Variants in BRD10 observed in about 807,000 individuals in gnomAD.
BRD10 encodes the protein bromodomain containing 10, also known as uncharacterized bromodomain-containing protein 10.
At chr9:5,978,739 G>A in the BRD10 span, among the ~76,000 whole-genome samples, 1 of 152,086 alleles carries the variant, frequency 6.6e-6, no homozygotes, top group African/African-American at 2.4e-5. Flanking sequence ...AAACTACACG[G>A]TCAGCACTAG....
the BRD10 span, among the ~76,000 whole-genome samples, chr9:5,901,329 T>C: frequency 6.6e-6 from 1 of 152,208 alleles, no homozygotes; most frequent in Non-Finnish European, 1.5e-5. Flanking sequence ...TCAAGTATGA[T>C]GTTAACTGTT....
At chr9:5,950,757 G>A in the BRD10 span, among the ~76,000 whole-genome samples, 2 of 152,032 alleles carry the variant, frequency 1.3e-5, no homozygotes, top group African/African-American at 4.8e-5. Context: ...TCTGAACCCT[G>A]CGGATACCAA....
chr9:5,996,319 G>A, the BRD10 span, among the ~76,000 whole-genome samples: 4 of 132,104 alleles, frequency 3.0e-5, no homozygotes, highest in East Asian at 6.2e-4. Context: ...TTTTTTTTTT[G>A]TTGTTGTTGT....
chr9:6,007,308 G>A, the BRD10 span: 1 of 1,613,880 alleles, frequency 6.2e-7, no homozygotes. Context: ...TCAACCTGAA[G>A]TCCGCCACGA....
chr9:5,992,010 T>C, the BRD10 span, among the ~76,000 whole-genome samples: 1 of 152,234 alleles, frequency 6.6e-6, no homozygotes, highest in Non-Finnish European at 1.5e-5. Context: ...CAGATACTCA[T>C]ATGGCTACAC....
the BRD10 span, among the ~76,000 whole-genome samples, chr9:5,931,926 A>C: frequency 1.1e-4 from 16 of 152,266 alleles, no homozygotes; most frequent in East Asian, 2.9e-3. Flanking sequence ...TGCTTTAATT[A>C]CTTAGAGTAA....
At chr9:5,969,171 G>A in the BRD10 span, 22 of 1,613,914 alleles carry the variant, frequency 1.4e-5, no homozygotes, top group Admixed American at 5.0e-5. Flanking sequence ...GTAGGTCTGC[G>A]ATGGGGAGGA....
At chr9:6,003,155 A>G in the BRD10 span, among the ~76,000 whole-genome samples, 1 of 152,250 alleles carries the variant, frequency 6.6e-6, no homozygotes, top group Non-Finnish European at 1.5e-5. Context: ...AAAGCTATAC[A>G]CAAGCTTATT....
chr9:5,928,559 T>G, the BRD10 span, among the ~76,000 whole-genome samples: 15 of 152,278 alleles, frequency 9.9e-5, no homozygotes, highest in African/African-American at 3.1e-4. Context: ...CACTTGCCTC[T>G]TTGCATCTCC....
chr9:5,926,090 G>A, the BRD10 span, among the ~76,000 whole-genome samples: 1 of 151,964 alleles, frequency 6.6e-6, no homozygotes, highest in Non-Finnish European at 1.5e-5. Flanking sequence ...GCTAATTTCT[G>A]TATTTTTAGT....
At chr9:5,883,723 C>T in the BRD10 span, among the ~76,000 whole-genome samples, 6 of 152,160 alleles carry the variant, frequency 3.9e-5, no homozygotes, top group African/African-American at 1.4e-4. Context: ...CCTCTCACTT[C>T]AGCCTCTCAA....
chr9:5,894,485 G>A, the BRD10 span, among the ~76,000 whole-genome samples: 1 of 152,256 alleles, frequency 6.6e-6, no homozygotes, highest in East Asian at 1.9e-4. The surrounding 1 kb of genome is among the most constrained non-coding windows in gnomAD (Gnocchi z 4.0). Flanking sequence ...TGGGAGGAGG[G>A]ACGCCACAGA....
At chr9:5,971,052 CAAAAAAAAAAAAAA>C in the BRD10 span, among the ~76,000 whole-genome samples, 69 of 43,204 alleles carry the variant, frequency 1.6e-3, no homozygotes, top group African/African-American at 4.7e-3. Context: ...AGCAACGTCT[CAAAAAAAAAAAAAA>C]AAAAAAAAAA....
the BRD10 span, among the ~76,000 whole-genome samples, chr9:5,973,046 C>T: frequency 2.0e-5 from 3 of 152,010 alleles, no homozygotes; most frequent in Non-Finnish European, 1.5e-5. Flanking sequence ...ACAGTGATCC[C>T]TAACTAAAGC....
the BRD10 span, chr9:6,007,786 A>G: frequency 2.6e-6 from 4 of 1,535,670 alleles, no homozygotes; most frequent in Middle Eastern, 1.9e-4. Context: ...GGGCACACTC[A>G]TGCCCCGGCA....
At chr9:5,918,719 G>A in the BRD10 span, among the ~76,000 whole-genome samples, 1 of 150,242 alleles carries the variant, frequency 6.7e-6, no homozygotes, top group African/African-American at 2.5e-5. Context: ...CTAATACTTG[G>A]GGGGCTGAGG....
At chr9:6,005,384 A>G in the BRD10 span, among the ~76,000 whole-genome samples, 2 of 152,168 alleles carry the variant, frequency 1.3e-5, no homozygotes, top group East Asian at 3.9e-4. Flanking sequence ...GGTGACAACT[A>G]ACCCCAGCTA....
chr9:5,997,045 T>C, the BRD10 span, among the ~76,000 whole-genome samples: 8 of 152,326 alleles, frequency 5.3e-5, no homozygotes, highest in Admixed American at 4.6e-4. Context: ...AAGTAGCTGA[T>C]TGTAAATTTA....
chr9:5,966,983 T>C, the BRD10 span, among the ~76,000 whole-genome samples: 1 of 152,232 alleles, frequency 6.6e-6, no homozygotes, highest in African/African-American at 2.4e-5. Context: ...TGATACATTA[T>C]ATACATGTTT....
Sources: allele counts gnomAD v4.1 joint callset (sites outside exome capture counted in the v4.1 genomes callset), GRCh38; gene constraint gnomAD v4.1.1; non-coding constraint Gnocchi (gnomAD v3.1); transcripts MANE v1.5; gene names NCBI Gene and HGNC (gene_info 2026-07-23, HGNC 2026-07-21).